BCAS1: variants seen among roughly 807,000 people sequenced by gnomAD.
The protein encoded by BCAS1 is brain enriched myelin associated protein 1, also known as breast carcinoma-amplified sequence 1.
BCAS1 carries 46 observed loss-of-function variants against 65.4 expected under a neutral mutation model. That is an observed-to-expected ratio of 0.70 (90% CI 0.55 to 0.90). The LOEUF (loss-of-function observed/expected upper bound fraction) is 0.90. Ranked by LOEUF, BCAS1 falls within the 40% of genes least tolerant of loss-of-function variation. The pLI is 0.00. For missense variants in BCAS1, 793 were observed against 771.2 expected (o/e 1.03, Z -0.33); for synonymous variants, 298 against 293.5 (o/e 1.02, Z -0.16).
At chr20:53,950,060 T>G (rs1382879262) in intron 12 of BCAS1, among the ~76,000 whole-genome samples, 1 of 152,180 alleles carries the variant, frequency 6.6e-6, no homozygotes, top group Non-Finnish European at 1.5e-5. Flanking sequence ...CTTCGAATGT[T>G]ATCAACAGGG....
intron 11 of BCAS1, 106 bp from the exon 12 acceptor site, chr20:53,953,801 C>G: frequency 7.5e-7 from 1 of 1,330,814 alleles, no homozygotes; most frequent in Non-Finnish European, 1.0e-6. Context: ...TGGGTGGTAT[C>G]TACATTTTCA....
At chr20:54,055,745 T>C (rs1389916512) in intron 3 of BCAS1, among the ~76,000 whole-genome samples, 1 of 152,206 alleles carries the variant, frequency 6.6e-6, no homozygotes, top group Non-Finnish European at 1.5e-5. Flanking sequence ...GATATGGGAA[T>C]GACCTATGTG....
intron 12 of BCAS1, among the ~76,000 whole-genome samples, chr20:53,945,630 TTGTC>T (rs2089289879): frequency 6.6e-6 from 1 of 152,170 alleles, no homozygotes; most frequent in African/African-American, 2.4e-5. Context: ...TCTAATTTAT[TTGTC>T]TAACATCTGT....
intron 3 of BCAS1, among the ~76,000 whole-genome samples, chr20:54,040,189 A>G (rs1023132498): frequency 2.0e-5 from 3 of 151,496 alleles, no homozygotes; most frequent in African/African-American, 7.3e-5. Context: ...AGAGGCACAG[A>G]TGTAGAAGTG....
chr20:53,964,407 G>A (rs2024065), intron 10 of BCAS1, among the ~76,000 whole-genome samples: 24,133 of 152,158 alleles, frequency 0.16, 2,180 homozygotes, highest in South Asian at 0.22. Flanking sequence ...AAAAAAAGAC[G>A]ATAATTAGAA....
chr20:53,951,725 C>T (rs1031395390), intron 12 of BCAS1, among the ~76,000 whole-genome samples: 1 of 152,222 alleles, frequency 6.6e-6, no homozygotes, highest in Non-Finnish European at 1.5e-5. Context: ...TACAGCCTCA[C>T]CCACTTGGGT....
intron 4 of BCAS1, among the ~76,000 whole-genome samples, chr20:54,000,820 G>C (rs1024911014): frequency 6.6e-6 from 1 of 152,144 alleles, no homozygotes; most frequent in African/African-American, 2.4e-5. Context: ...TTTATCTCTA[G>C]AAATTTGATT....
chr20:53,952,682 A>G (rs2089565409), intron 12 of BCAS1, among the ~76,000 whole-genome samples: 1 of 152,246 alleles, frequency 6.6e-6, no homozygotes, highest in South Asian at 2.1e-4. Context: ...GCTTCAGCCA[A>G]TCACAGGCAA....
At chr20:53,950,125 T>C (rs925328606) in intron 12 of BCAS1, among the ~76,000 whole-genome samples, 1 of 134,918 alleles carries the variant, frequency 7.4e-6, no homozygotes, top group Non-Finnish European at 1.6e-5. Flanking sequence ...GATAGGATTA[T>C]GTCTGCATTC....
chr20:53,975,270 A>G (rs1315935905), intron 9 of BCAS1, 119 bp downstream of exon 9: 2 of 825,938 alleles, frequency 2.4e-6, no homozygotes, highest in East Asian at 2.6e-5. Flanking sequence ...AGAGTCTACA[A>G]CAAACGAATC....
chr20:53,986,684 G>A (rs560268108), intron 7 of BCAS1, among the ~76,000 whole-genome samples: 1 of 152,280 alleles, frequency 6.6e-6, no homozygotes, highest in Non-Finnish European at 1.5e-5. Flanking sequence ...GATTTCTTGA[G>A]GTCGGGAGTT....
At chr20:53,972,057 T>C (rs925150512) in intron 9 of BCAS1, among the ~76,000 whole-genome samples, 1 of 152,240 alleles carries the variant, frequency 6.6e-6, no homozygotes, top group Non-Finnish European at 1.5e-5. Context: ...CTCTGTTTTT[T>C]AGTTTTTTTT....
At chr20:54,038,449 C>CACT (rs2091935525) in intron 3 of BCAS1, among the ~76,000 whole-genome samples, 1 of 151,272 alleles carries the variant, frequency 6.6e-6, no homozygotes, top group Admixed American at 6.6e-5. Flanking sequence ...TAGTGCTAGA[C>CACT]ACTAGGATTA....
chr20:53,957,896 T>TTC (rs1555842340), intron 10 of BCAS1, among the ~76,000 whole-genome samples: 153 of 150,490 alleles, frequency 1.0e-3, no homozygotes, highest in Non-Finnish European at 1.6e-3. Context: ...TTTTTTTTTT[T>TTC]CTCTCCTTGA....
intron 12 of BCAS1, among the ~76,000 whole-genome samples, chr20:53,952,318 C>T (rs965320903): frequency 2.0e-5 from 3 of 152,236 alleles, no homozygotes; most frequent in African/African-American, 7.2e-5. Flanking sequence ...GCCCTGCCCT[C>T]ATGGAGCTGG....
intron 1 of BCAS1, among the ~76,000 whole-genome samples, chr20:54,070,103 C>A (rs2092497493): frequency 6.6e-6 from 1 of 152,196 alleles, no homozygotes; most frequent in African/African-American, 2.4e-5. Flanking sequence ...ACAGCCTATC[C>A]CTCCATCCAG....
intron 8 of BCAS1, among the ~76,000 whole-genome samples, chr20:53,976,154 G>A (rs2090328634): frequency 6.6e-6 from 1 of 152,172 alleles, no homozygotes. Context: ...TTCTGTCAAA[G>A]GTCAAAGCCA....
At chr20:54,015,451 C>A (rs1451911659) in intron 4 of BCAS1, among the ~76,000 whole-genome samples, 2 of 152,058 alleles carry the variant, frequency 1.3e-5, no homozygotes, top group African/African-American at 4.8e-5. Context: ...CTACCCAATT[C>A]ACATCAACTG....
chr20:53,997,448 G>T (rs964365234), intron 4 of BCAS1, among the ~76,000 whole-genome samples: 1 of 152,094 alleles, frequency 6.6e-6, no homozygotes, highest in Non-Finnish European at 1.5e-5. Context: ...TCCATTGCTT[G>T]GTTATAACAT....
Sources: allele counts gnomAD v4.1 joint callset (sites outside exome capture counted in the v4.1 genomes callset), GRCh38; gene constraint gnomAD v4.1.1; transcripts MANE v1.5; gene names NCBI Gene and HGNC (gene_info 2026-07-23, HGNC 2026-07-21).